Variants in RHOA observed in about 807,000 individuals in gnomAD.
The protein encoded by RHOA is transforming protein RhoA.
RHOA carries 3 observed loss-of-function variants against 17.5 expected under a neutral mutation model. That is an observed-to-expected ratio of 0.17 (90% CI 0.08 to 0.44). RHOA has a LOEUF of 0.44. RHOA is among the 20% of genes least tolerant of loss of function. The pLI, the probability that RHOA is intolerant of heterozygous loss-of-function variation, is 0.99. For synonymous variants in RHOA, 98 were observed against 88.4 expected (o/e 1.11, Z -0.61); for missense variants, 56 against 242.3 (o/e 0.23, Z 5.10).
At chr3:49,377,268 G>C (rs2048242811) in intron 1 of RHOA, among the ~76,000 whole-genome samples, 1 of 151,478 alleles carries the variant, frequency 6.6e-6, no homozygotes, top group Non-Finnish European at 1.5e-5. Flanking sequence ...ACTGAGAAAG[G>C]AAGGACGGAC....
chr3:49,405,251 G>C (rs1280406005), intron 1 of RHOA, among the ~76,000 whole-genome samples: 2 of 123,314 alleles, frequency 1.6e-5, no homozygotes, highest in African/African-American at 3.4e-5. Flanking sequence ...GAGCGAGACT[G>C]TGTCTCAAAA....
chr3:49,391,637 C>T (rs898361516), intron 1 of RHOA, among the ~76,000 whole-genome samples: 3 of 151,492 alleles, frequency 2.0e-5, no homozygotes, highest in East Asian at 1.9e-4. Context: ...TCCGCCTCCC[C>T]GGTAGCTGGG....
intron 1 of RHOA, among the ~76,000 whole-genome samples, chr3:49,409,326 C>T (rs1201033786): frequency 6.6e-6 from 1 of 151,982 alleles, no homozygotes; most frequent in Non-Finnish European, 1.5e-5. Context: ...ACCCAGGAGG[C>T]AGACGGTGCA....
chr3:49,360,477 C>A, intron 4 of RHOA, 95 bp from the exon 5 acceptor site: 2 of 1,364,878 alleles, frequency 1.5e-6, no homozygotes, highest in Non-Finnish European at 2.0e-6. Flanking sequence ...ATTTTTTTTT[C>A]TTTTTTTGAG....
intron 1 of RHOA, among the ~76,000 whole-genome samples, chr3:49,380,833 TAAAC>T (rs1207368096): frequency 2.0e-5 from 3 of 150,472 alleles, no homozygotes; most frequent in South Asian, 4.2e-4. Context: ...ACGACAAAAA[TAAAC>T]AATGAAAACA....
intron 3 of RHOA, among the ~76,000 whole-genome samples, chr3:49,367,446 A>C (rs2048077841): frequency 6.6e-6 from 1 of 151,868 alleles, no homozygotes; most frequent in South Asian, 2.1e-4. Context: ...TCTATCAGCT[A>C]AGACACTTCA....
chr3:49,394,963 T>C (rs1378338558), intron 1 of RHOA, among the ~76,000 whole-genome samples: 2 of 151,866 alleles, frequency 1.3e-5, no homozygotes, highest in Non-Finnish European at 2.9e-5. Context: ...ACACAAGAAT[T>C]TGGCGGTCGG....
intron 1 of RHOA, among the ~76,000 whole-genome samples, chr3:49,399,083 A>AAAAAAAAAAAAAAAAAAAAAAAAAAAAC (rs2048673528): frequency 7.8e-6 from 1 of 128,054 alleles, no homozygotes; most frequent in African/African-American, 2.9e-5. Context: ...AAAAAAAAAA[A>AAAAAAAAAAAAAAAAAAAAAAAAAAAAC]AAAAGGCTGG....
At chr3:49,396,213 A>G (rs760309890) in intron 1 of RHOA, among the ~76,000 whole-genome samples, 15 of 152,214 alleles carry the variant, frequency 9.9e-5, no homozygotes, top group Non-Finnish European at 1.3e-4. Flanking sequence ...GCCACAGGCA[A>G]GAGTAGATGG....
At chr3:49,387,961 T>C (rs901472132) in intron 1 of RHOA, among the ~76,000 whole-genome samples, 2 of 151,986 alleles carry the variant, frequency 1.3e-5, no homozygotes, top group Non-Finnish European at 2.9e-5. Flanking sequence ...TGTTTTAATG[T>C]CTGTTTACTC....
chr3:49,385,775 G>C (rs1203219172), intron 1 of RHOA, among the ~76,000 whole-genome samples: 1 of 152,070 alleles, frequency 6.6e-6, no homozygotes, highest in Non-Finnish European at 1.5e-5. Context: ...TATGAGGTAA[G>C]GGGTCCAACT....
At chr3:49,408,383 ACT>A (rs2107915353) in intron 1 of RHOA, among the ~76,000 whole-genome samples, 1 of 152,310 alleles carries the variant, frequency 6.6e-6, no homozygotes, top group South Asian at 2.1e-4. Flanking sequence ...TAAACTGCAT[ACT>A]GATTGCAATT....
chr3:49,372,038 T>C (rs1205413949), intron 2 of RHOA, among the ~76,000 whole-genome samples: 1 of 152,196 alleles, frequency 6.6e-6, no homozygotes, highest in Non-Finnish European at 1.5e-5. Context: ...TACTAGGCTT[T>C]TGAGAAATAA....
At chr3:49,372,621 C>G (rs2048163693) in intron 2 of RHOA, among the ~76,000 whole-genome samples, 1 of 151,018 alleles carries the variant, frequency 6.6e-6, no homozygotes, top group Non-Finnish European at 1.5e-5. Flanking sequence ...GTAGTCCCGG[C>G]TACTCCGGAG....
chr3:49,400,386 C>A (rs1463734717), intron 1 of RHOA, among the ~76,000 whole-genome samples: 1 of 151,922 alleles, frequency 6.6e-6, no homozygotes, highest in Non-Finnish European at 1.5e-5. Context: ...CTACTCATAA[C>A]ATTTCCCCTA....
chr3:49,409,943 G>A (rs1467258071), intron 1 of RHOA, among the ~76,000 whole-genome samples: 3 of 152,080 alleles, frequency 2.0e-5, no homozygotes, highest in Non-Finnish European at 2.9e-5. Context: ...TGCTCTAGAA[G>A]TTGGTCCCTT....
chr3:49,370,648 C>G (rs560592363), intron 2 of RHOA, among the ~76,000 whole-genome samples: 1 of 152,214 alleles, frequency 6.6e-6, no homozygotes, highest in East Asian at 1.9e-4. Context: ...CTTTCACATC[C>G]GGGTACATCC....
At chr3:49,397,828 G>A (rs1389844793) in intron 1 of RHOA, among the ~76,000 whole-genome samples, 1 of 152,134 alleles carries the variant, frequency 6.6e-6, no homozygotes, top group East Asian at 1.9e-4. Context: ...AAATAAGTAA[G>A]AAGCAAGATC....
chr3:49,367,439 A>G (rs1455616749), intron 3 of RHOA, among the ~76,000 whole-genome samples: 2 of 151,644 alleles, frequency 1.3e-5, no homozygotes, highest in African/African-American at 4.8e-5. Context: ...TCAAGCTTCT[A>G]TCAGCTAAGA....
Sources: allele counts gnomAD v4.1 joint callset (sites outside exome capture counted in the v4.1 genomes callset), GRCh38; gene constraint gnomAD v4.1.1; transcripts MANE v1.5; gene names NCBI Gene and HGNC (gene_info 2026-07-23, HGNC 2026-07-21).